SGK3: variants seen among roughly 807,000 people sequenced by gnomAD.
SGK3 encodes the protein serum/glucocorticoid regulated kinase family member 3.
Under a neutral mutation model 68.5 loss-of-function variants are expected in SGK3, and 47 were observed. The observed-to-expected ratio is 0.69, with a 90% CI of 0.54 to 0.87. The LOEUF (loss-of-function observed/expected upper bound fraction) is 0.87. SGK3 is among the 40% of genes least tolerant of loss of function. The pLI is 0.00. For missense variants in SGK3, 479 were observed against 575.5 expected (o/e 0.83, Z 1.72); for synonymous variants, 181 against 189.1 (o/e 0.96, Z 0.35).
In SGK3 at chr8:66,835,766, C is replaced by A. The variant is rs749063520; in HGVS notation, c.529C>A (p.Leu177Ile). The A allele has an allele frequency of 6.2e-7, 1 of 1,610,790 alleles. No homozygotes were observed. Among genetic ancestry groups the A allele is most frequent in the Admixed American group, 1.7e-5 (1 of 59,330 alleles). Residue 177 changes from leucine (L) to isoleucine (I), a missense_variant, in exon 9 of 17, where the codon CTT becomes ATT. Leu to Ile is a conservative substitution (Grantham distance 5, BLOSUM62 2). Transcript: ENST00000521198. The part of the protein sequence containing the change: ...VIGKGSFGKV[L>I]LAKRKLDGKF... ...CACTAATGTTTAACTATAACAGGTT[C>A]TTCTTGCAAAACGGAAACTGGATGG...
rs560018973 is a variant in SGK3 at position 66,847,666 on chromosome 8, C to T, written c.1230+318C>T. Among the ~76,000 whole-genome samples the T allele has an allele frequency of 5.3e-5, 8 of 152,168 alleles. No individual in the cohort carries two copies. In the East Asian group the frequency reaches 1.5e-3, roughly 29 times the overall value. On this transcript the variant is annotated intron_variant, in intron 15 of 16. Coordinates refer to ENST00000521198, the MANE Select transcript of SGK3 (RefSeq NM_001033578.3). ...GTGTTGTGTGGCATATTTTCACTAC[C>T]TAAACTTTCTTTTGCTGTTTTTATT...
chr8:66,740,807 T>C (rs1375786922), intron 1 of SGK3, among the ~76,000 whole-genome samples: 1 of 148,290 alleles, frequency 6.7e-6, no homozygotes, highest in East Asian at 2.0e-4. Flanking sequence ...CTCAGGAGGA[T>C]GAGACGAAAG....
At chr8:66,757,012 T>C (rs1805997982) in intron 1 of SGK3, among the ~76,000 whole-genome samples, 1 of 152,172 alleles carries the variant, frequency 6.6e-6, no homozygotes, top group Admixed American at 6.6e-5. Context: ...TATATACTTC[T>C]GAGGTTCTTT....
At chr8:66,796,157 A>G (rs546323276) in intron 2 of SGK3, among the ~76,000 whole-genome samples, 1 of 151,518 alleles carries the variant, frequency 6.6e-6, no homozygotes, top group African/African-American at 2.4e-5. Flanking sequence ...TATTTTTTTG[A>G]GACAGAATCT....
intron 1 of SGK3, among the ~76,000 whole-genome samples, chr8:66,760,876 G>A (rs996894352): frequency 1.3e-5 from 2 of 152,070 alleles, no homozygotes; most frequent in East Asian, 1.9e-4. Flanking sequence ...ACTAAGCCGG[G>A]CGTAGTGGTG....
intron 1 of SGK3, among the ~76,000 whole-genome samples, chr8:66,788,600 G>T (rs1212813917): frequency 6.6e-6 from 1 of 152,142 alleles, no homozygotes; most frequent in Non-Finnish European, 1.5e-5. Flanking sequence ...AGTAAAAACT[G>T]GCAGGCTCAT....
intron 3 of SGK3, among the ~76,000 whole-genome samples, 177 bp from the exon 4 acceptor site, chr8:66,804,198 C>T (rs1301009026): frequency 1.3e-5 from 2 of 151,924 alleles, no homozygotes; most frequent in South Asian, 2.1e-4. Context: ...CTAAAAAAGA[C>T]GATTAGTTTG....
rs1364092189 is a variant in SGK3, at chr8:66,788,151, A to AG, written c.-121-5463dup. Among the ~76,000 whole-genome samples, 3 of 152,210 alleles carry AG rather than the reference A, an allele frequency of 2.0e-5. No individual in the cohort carries two copies. In the East Asian group the frequency reaches 5.8e-4, roughly 29 times the overall value. On this transcript the variant is annotated intron_variant, in intron 1 of 16. Coordinates refer to ENST00000521198, the MANE Select transcript of SGK3 (RefSeq NM_001033578.3). ...ATGTGGGTCTAGAAAACTTACAAGA[A>AG]GGAGGAACAAGCAGTAGGGGAGTCT...
chr8:66,724,556 A>G (rs1804923579), intron 1 of SGK3, among the ~76,000 whole-genome samples: 1 of 152,206 alleles, frequency 6.6e-6, no homozygotes, highest in Non-Finnish European at 1.5e-5. Flanking sequence ...AGCCTGGGTG[A>G]CAGAGCAATA....
Position 66,839,947 on chromosome 8 carries a change from A to G in SGK3, c.742-56A>G, listed in dbSNP as rs970610467. ...TTACCGAATATATTTGTTTAATGCT[A>G]TGTGTGAATGATCCTAACATTCTCT... On this transcript the variant is annotated intron_variant, in intron 10 of 16. Coordinates refer to ENST00000521198, the MANE Select transcript of SGK3 (RefSeq NM_001033578.3). 6.4e-6 allele frequency: 9 copies of G among 1,410,374 alleles called. No homozygotes were observed. The East Asian group carries it at 1.1e-4, about 18-fold the overall frequency. The allele number at this position is 1,410,374 out of a possible 1,614,324, so 87.4% of individuals were successfully genotyped here. A position where few individuals can be genotyped will look rare whatever the true frequency, so the allele number is the denominator to read the frequency against.
chr8:66,723,131 A>ATTTTTTTTT (rs1177940065), intron 1 of SGK3, among the ~76,000 whole-genome samples: 3 of 29,496 alleles, frequency 1.0e-4, no homozygotes, highest in African/African-American at 2.4e-4. Context: ...ATATATATAT[A>ATTTTTTTTT]TTTTTTTTTT....
chr8:66,722,637 C>T (rs1194173707), intron 1 of SGK3, among the ~76,000 whole-genome samples: 2 of 152,260 alleles, frequency 1.3e-5, no homozygotes, highest in African/African-American at 4.8e-5. Flanking sequence ...GGCTTAGACG[C>T]GAAAGTGCTA....
chr8:66,828,746 G>A, intron 7 of SGK3, 43 bp downstream of exon 7: 1 of 1,608,076 alleles, frequency 6.2e-7, no homozygotes, highest in Middle Eastern at 1.7e-4. Context: ...CTGAATTTTA[G>A]GAAGATCTTT....
chr8:66,801,753 T>A (rs929337658), intron 3 of SGK3, among the ~76,000 whole-genome samples: 5 of 152,112 alleles, frequency 3.3e-5, no homozygotes, highest in Non-Finnish European at 7.4e-5. Context: ...TAGGCTAGAT[T>A]TACCTTCTAA....
chr8:66,801,814 T>C (rs1406946538), intron 3 of SGK3, among the ~76,000 whole-genome samples: 1 of 152,100 alleles, frequency 6.6e-6, no homozygotes, highest in African/African-American at 2.4e-5. Context: ...GGGAATGTCA[T>C]CTAAAAACTC....
At chr8:66,774,059 C>T (rs987079936) in intron 1 of SGK3, among the ~76,000 whole-genome samples, 3 of 152,158 alleles carry the variant, frequency 2.0e-5, no homozygotes, top group African/African-American at 7.2e-5. Flanking sequence ...TACTTCCCTG[C>T]ATCCTTTCCC....
chr8:66,852,496 G>A (rs1288375181), intron 16 of SGK3, among the ~76,000 whole-genome samples: 3 of 151,986 alleles, frequency 2.0e-5, no homozygotes, highest in Admixed American at 1.3e-4. Flanking sequence ...TGGCCAGATG[G>A]TGTCGATCTT....
intron 10 of SGK3, among the ~76,000 whole-genome samples, chr8:66,839,260 T>C (rs1000342082): frequency 6.6e-6 from 1 of 151,538 alleles, no homozygotes; most frequent in African/African-American, 2.4e-5. Context: ...GGCCAGGTTA[T>C]AAGAAATAAA....
At chr8:66,784,763 A>G (rs549627815) in intron 1 of SGK3, among the ~76,000 whole-genome samples, 1 of 152,228 alleles carries the variant, frequency 6.6e-6, no homozygotes, top group African/African-American at 2.4e-5. Flanking sequence ...ACATTTTAAC[A>G]TAACAAGAAT....
Sources: gnomAD v4.1 joint callset for allele counts (sites outside exome capture counted in the v4.1 genomes callset) on GRCh38, gnomAD v4.1.1 for gene constraint, MANE v1.5 for transcripts, NCBI Gene and HGNC (gene_info 2026-07-23, HGNC 2026-07-21) for gene names.